Variants in PCGF3 observed in about 807,000 individuals in gnomAD.
PCGF3 encodes polycomb group ring finger 3.
PCGF3 carries 7 observed loss-of-function variants against 33.1 expected under a neutral mutation model. The ratio of observed to expected loss-of-function variants is 0.21; its 90% CI spans 0.12 to 0.40. The LOEUF is 0.40. Ranked by LOEUF, PCGF3 falls within the 10% of genes least tolerant of loss-of-function variation. The pLI, the probability that PCGF3 is intolerant of heterozygous loss-of-function variation, is 1.00. For missense variants in PCGF3, 211 were observed against 313.3 expected (o/e 0.67, Z 2.46); for synonymous variants, 153 against 121.3 (o/e 1.26, Z -1.72).
At chr4:712,275 G>T (rs1473380707) in intron 1 of PCGF3, among the ~76,000 whole-genome samples, 3 of 152,218 alleles carry the variant, frequency 2.0e-5, no homozygotes, top group African/African-American at 7.2e-5. Flanking sequence ...AAGAACAATA[G>T]TGAATGTTGC....
At chr4:736,016 TG>T (rs1743807014) in intron 5 of PCGF3, among the ~76,000 whole-genome samples, 1 of 152,174 alleles carries the variant, frequency 6.6e-6, no homozygotes, top group Non-Finnish European at 1.5e-5. Flanking sequence ...CAGATGTGTT[TG>T]TTTTTCCCTT....
chr4:761,317 C>T (rs529032336), exon 9 of PCGF3: 41 of 1,606,728 alleles, frequency 2.6e-5, no homozygotes, highest in Middle Eastern at 1.7e-4. Flanking sequence ...GCAAACTGCG[C>T]GGGCTGAAGC....
intron 6 of PCGF3, among the ~76,000 whole-genome samples, chr4:740,053 G>A (rs1744019323): frequency 6.6e-6 from 1 of 152,242 alleles, no homozygotes; most frequent in African/African-American, 2.4e-5. Context: ...CTATTTTCTT[G>A]ATGGAGGCTA....
chr4:747,806 C>G (rs892040368), intron 8 of PCGF3, among the ~76,000 whole-genome samples: 2 of 152,284 alleles, frequency 1.3e-5, no homozygotes, highest in East Asian at 3.9e-4. Flanking sequence ...AGAAACCTTC[C>G]CTGGGGATGA....
intron 1 of PCGF3, among the ~76,000 whole-genome samples, chr4:723,399 A>G (rs982389426): frequency 4.6e-5 from 7 of 152,020 alleles, no homozygotes; most frequent in Non-Finnish European, 7.4e-5. Flanking sequence ...GATCTGGAAG[A>G]TGCCCTTGGG....
At chr4:714,811 C>T (rs1387118066) in intron 1 of PCGF3, among the ~76,000 whole-genome samples, 2 of 152,244 alleles carry the variant, frequency 1.3e-5, no homozygotes, top group Non-Finnish European at 2.9e-5. Flanking sequence ...TGGGCACTCC[C>T]GATTTTGAGG....
intron 6 of PCGF3, among the ~76,000 whole-genome samples, 184 bp downstream of exon 6, chr4:737,705 G>A (rs1743895697): frequency 6.6e-6 from 1 of 152,134 alleles, no homozygotes; most frequent in Non-Finnish European, 1.5e-5. Flanking sequence ...TCTAAGATGC[G>A]TAGACATCTT....
intron 9 of PCGF3, among the ~76,000 whole-genome samples, chr4:763,474 G>A (rs1294728233): frequency 6.6e-6 from 1 of 152,220 alleles, no homozygotes; most frequent in Non-Finnish European, 1.5e-5. Flanking sequence ...CTTCCCCAGG[G>A]AGGAATCTGA....
chr4:752,297 C>T (rs1049403649), intron 8 of PCGF3, among the ~76,000 whole-genome samples: 1 of 152,258 alleles, frequency 6.6e-6, no homozygotes, highest in Admixed American at 6.5e-5. Context: ...GACCCCATTC[C>T]TTTCACAGCC....
At chr4:744,500 A>G (rs1247945392) in intron 7 of PCGF3, 100 bp from the exon 8 acceptor site, 4 of 883,522 alleles carry the variant, frequency 4.5e-6, no homozygotes, top group South Asian at 1.5e-5. Context: ...GAGTCTCTTA[A>G]TGGAGTGAAT....
exon 11 of PCGF3, chr4:766,317 C>T (rs914100942): frequency 2.0e-5 from 9 of 459,730 alleles, no homozygotes; most frequent in Middle Eastern, 5.8e-4. Flanking sequence ...CGCCCCACCC[C>T]GTGCTTCAGC....
chr4:766,203 C>T (rs999946961), exon 11 of PCGF3: 3 of 723,460 alleles, frequency 4.1e-6, no homozygotes, highest in Non-Finnish European at 7.0e-6. Context: ...ATATTTATAA[C>T]TTTTGTATGA....
intron 10 of PCGF3, 139 bp from the exon 11 acceptor site, chr4:765,893 G>A (rs74322055): frequency 9.4e-6 from 7 of 746,454 alleles, no homozygotes; most frequent in African/African-American, 1.7e-5. Flanking sequence ...CTGTTGCTCA[G>A]AACAGAAGGG....
chr4:709,882 ACCTTTT>A, intron 1 of PCGF3, among the ~76,000 whole-genome samples: 1 of 152,164 alleles, frequency 6.6e-6, no homozygotes, highest in African/African-American at 2.4e-5. Flanking sequence ...ACCGCCAGGG[ACCTTTT>A]TACTCAACAC....
chr4:714,169 C>T lies in PCGF3; in HGVS notation c.-190+8199C>T, dbSNP rs559223530. Among the ~76,000 whole-genome samples the T allele has an allele frequency of 3.9e-5, 6 of 152,282 alleles. No individual in the cohort carries two copies. In the East Asian group the frequency reaches 1.2e-3, roughly 29 times the overall value. On this transcript the variant is annotated intron_variant, in intron 1 of 10. Transcript: ENST00000362003. ...TGTGAGGACTCTGACCCCACCAGCCCCCAAATCTGCGAGCGCCTTGATTCT... is the reference window on the plus strand; with the variant it reads ...TGTGAGGACTCTGACCCCACCAGCCTCCAAATCTGCGAGCGCCTTGATTCT...
intron 8 of PCGF3, among the ~76,000 whole-genome samples, chr4:760,217 C>A: frequency 6.6e-6 from 1 of 152,204 alleles, no homozygotes; most frequent in Middle Eastern, 3.2e-3. Flanking sequence ...CTGCCCTTCA[C>A]TGTTGTGGGA....
At chr4:730,746 C>A in intron 2 of PCGF3, 78 bp downstream of exon 2, 1 of 338,988 alleles carries the variant, frequency 2.9e-6, no homozygotes, top group Non-Finnish European at 5.3e-6. Flanking sequence ...ACGCTTTGTG[C>A]ATGTGGTCGG....
intron 1 of PCGF3, among the ~76,000 whole-genome samples, chr4:707,555 GT>G (rs1742368387): frequency 8.5e-6 from 1 of 117,746 alleles, no homozygotes; most frequent in Admixed American, 7.9e-5. Flanking sequence ...TCCCCTGGGG[GT>G]CGGGACCCTG....
intron 1 of PCGF3, among the ~76,000 whole-genome samples, chr4:713,176 G>T (rs1742649634): frequency 7.2e-6 from 1 of 138,318 alleles, no homozygotes; most frequent in African/African-American, 2.7e-5. Flanking sequence ...GCGTCATGGG[G>T]GCTGTGGCCT....
Sources: gnomAD v4.1 joint callset for allele counts (sites outside exome capture counted in the v4.1 genomes callset) on GRCh38, gnomAD v4.1.1 for gene constraint, MANE v1.5 for transcripts, NCBI Gene and HGNC (gene_info 2026-07-23, HGNC 2026-07-21) for gene names.